The following RORA variants were observed in gnomAD, a reference collection of about 807,000 sequenced individuals.
The protein encoded by RORA is nuclear receptor ROR-alpha.
A neutral mutation model predicts 69.5 loss-of-function variants in RORA; 7 were observed. That is an observed-to-expected ratio of 0.10 (90% CI 0.06 to 0.19). RORA has a LOEUF of 0.19. RORA is among the 10% of genes least tolerant of loss of function. RORA has a pLI of 1.00. For missense variants in RORA, 457 were observed against 663.0 expected (o/e 0.69, Z 3.41); for synonymous variants, 261 against 240.8 (o/e 1.08, Z -0.78).
At chr15:60,966,032 C>G (rs1424771202) in intron 1 of RORA, among the ~76,000 whole-genome samples, 2 of 152,208 alleles carry the variant, frequency 1.3e-5, no homozygotes, top group Non-Finnish European at 2.9e-5. Flanking sequence ...CACAAGGCTA[C>G]AAGTCTGATA....
At chr15:60,679,083 G>C (rs1323742212) in intron 1 of RORA, among the ~76,000 whole-genome samples, 1 of 152,146 alleles carries the variant, frequency 6.6e-6, no homozygotes, top group Admixed American at 6.6e-5. Context: ...TGAGCAACAC[G>C]GCAATTAATT....
At chr15:60,692,450 A>G (rs1168128462) in intron 1 of RORA, among the ~76,000 whole-genome samples, 2 of 152,232 alleles carry the variant, frequency 1.3e-5, no homozygotes, top group Admixed American at 6.5e-5. Flanking sequence ...GGTCCAGAAA[A>G]CAGAACACAA....
intron 2 of RORA, among the ~76,000 whole-genome samples, chr15:60,591,241 G>C (rs1487470754): frequency 6.6e-6 from 1 of 152,216 alleles, no homozygotes; most frequent in African/African-American, 2.4e-5. Flanking sequence ...GGCCGGGCCT[G>C]CGAAGCAGCT....
chr15:61,074,104 CTATTAT>C (rs1160057566), intron 1 of RORA, among the ~76,000 whole-genome samples: 1 of 152,182 alleles, frequency 6.6e-6, no homozygotes, highest in Non-Finnish European at 1.5e-5. Flanking sequence ...GGTGTGCTTG[CTATTAT>C]CATGAAGAGC....
At chr15:60,742,790 G>A (rs1277953011) in intron 1 of RORA, among the ~76,000 whole-genome samples, 3 of 152,112 alleles carry the variant, frequency 2.0e-5, no homozygotes, top group African/African-American at 7.2e-5. Flanking sequence ...GTCCATCCAT[G>A]TTGTTGCAAA....
intron 1 of RORA, among the ~76,000 whole-genome samples, chr15:61,023,209 A>T (rs1895633768): frequency 6.6e-6 from 1 of 151,122 alleles, no homozygotes; most frequent in South Asian, 2.1e-4. Flanking sequence ...AAAAAAAAAA[A>T]AACTGACAAA....
At chr15:61,018,052 T>C (rs150645775) in intron 1 of RORA, among the ~76,000 whole-genome samples, 1 of 152,240 alleles carries the variant, frequency 6.6e-6, no homozygotes, top group Non-Finnish European at 1.5e-5. Context: ...TATAGAAAAC[T>C]ATTCAACTGT....
chr15:60,812,608 T>G (rs1035409316), intron 1 of RORA, among the ~76,000 whole-genome samples: 4 of 152,178 alleles, frequency 2.6e-5, no homozygotes, highest in Non-Finnish European at 4.4e-5. Flanking sequence ...GCTCAGTAGA[T>G]GTTGTCATCT....
At chr15:60,549,422 TAA>T (rs1472169771) in intron 2 of RORA, among the ~76,000 whole-genome samples, 1 of 152,218 alleles carries the variant, frequency 6.6e-6, no homozygotes, top group Non-Finnish European at 1.5e-5. Flanking sequence ...AGGCTAAATA[TAA>T]AAGAGTATTT....
intron 2 of RORA, among the ~76,000 whole-genome samples, chr15:60,666,346 C>CT (rs1161494532): frequency 0.013 from 1,778 of 132,420 alleles, 50 homozygotes; most frequent in African/African-American, 0.047. Flanking sequence ...TAATTTCTTT[C>CT]TTTTTTTTTT....
chr15:60,851,023 TG>T (rs1357956133), intron 1 of RORA, among the ~76,000 whole-genome samples: 3 of 152,094 alleles, frequency 2.0e-5, no homozygotes, highest in Non-Finnish European at 4.4e-5. Context: ...GCTGAGTGAG[TG>T]GGTGTGAAGA....
intron 1 of RORA, among the ~76,000 whole-genome samples, chr15:61,020,733 G>A (rs1263463953): frequency 2.0e-5 from 3 of 152,092 alleles, no homozygotes; most frequent in African/African-American, 2.4e-5. Context: ...ACTTGAAGCT[G>A]GAATTCCCTT....
At chr15:60,795,676 C>T (rs2140352709) in intron 1 of RORA, among the ~76,000 whole-genome samples, 1 of 152,302 alleles carries the variant, frequency 6.6e-6, no homozygotes, top group East Asian at 1.9e-4. Context: ...GCAGAAACAA[C>T]AGGTTGATTT....
At chr15:61,076,346 C>T (rs2078448932) in intron 1 of RORA, among the ~76,000 whole-genome samples, 1 of 151,924 alleles carries the variant, frequency 6.6e-6, no homozygotes, top group Non-Finnish European at 1.5e-5. Context: ...ACTTATTGCT[C>T]CACACAGAGC....
intron 1 of RORA, among the ~76,000 whole-genome samples, chr15:60,873,951 C>T (rs2073586569): frequency 6.6e-6 from 1 of 152,064 alleles, no homozygotes; most frequent in Admixed American, 6.5e-5. Context: ...TAAATATTCG[C>T]CAATTAGCTT....
intron 1 of RORA, among the ~76,000 whole-genome samples, chr15:60,831,693 C>T (rs1432154578): frequency 6.6e-6 from 1 of 152,172 alleles, no homozygotes; most frequent in Admixed American, 6.5e-5. Context: ...AGTGCTTTTT[C>T]ATCACGTCAT....
intron 2 of RORA, among the ~76,000 whole-genome samples, chr15:60,601,555 C>T (rs1043300886): frequency 6.6e-6 from 1 of 152,132 alleles, no homozygotes; most frequent in Non-Finnish European, 1.5e-5. Context: ...CCAAAAACAT[C>T]TGTTAAAAAG....
intron 1 of RORA, among the ~76,000 whole-genome samples, chr15:61,183,449 C>T (rs1168079129): frequency 6.6e-6 from 1 of 151,080 alleles, no homozygotes. Context: ...GCAGGAAAAT[C>T]GCTTGAACCC....
intron 1 of RORA, among the ~76,000 whole-genome samples, chr15:61,221,073 C>G (rs1364096149): frequency 1.3e-5 from 2 of 152,202 alleles, no homozygotes. Flanking sequence ...CACTCCACTT[C>G]AGAGAGAAAT....
Sources: gnomAD v4.1 joint callset for allele counts (sites outside exome capture counted in the v4.1 genomes callset) on GRCh38, gnomAD v4.1.1 for gene constraint, MANE v1.5 for transcripts, NCBI Gene and HGNC (gene_info 2026-07-23, HGNC 2026-07-21) for gene names.